The following HDAC2 variants were observed in gnomAD, a reference collection of about 807,000 sequenced individuals.
HDAC2 encodes the protein YY1-associated factor 1.
A neutral mutation model predicts 68.5 loss-of-function variants in HDAC2; 5 were observed. The observed-to-expected ratio is 0.07, with a 90% confidence interval of 0.04 to 0.15. The LOEUF (loss-of-function observed/expected upper bound fraction) is 0.15. HDAC2 is among the 10% of genes least tolerant of loss of function. The pLI is 1.00. For synonymous variants in HDAC2, 182 were observed against 191.3 expected, an observed-to-expected ratio of 0.95 and a Z score of 0.40; for missense variants, 291 against 600.8, an observed-to-expected ratio of 0.48 and a Z score of 5.39.
chr6:113,954,240 C>A (rs1450388484), intron 5 of HDAC2, among the ~76,000 whole-genome samples: 1 of 152,092 alleles, frequency 6.6e-6, no homozygotes, highest in East Asian at 1.9e-4. Flanking sequence ...TATTAGATGG[C>A]AAAGCATTGT....
rs1479932130 is a variant in HDAC2 at position 113,949,174 on chromosome 6, A to G, written c.726T>C (p.Phe242=). Residue 242 remains phenylalanine, a synonymous_variant, in exon 7 of 14, where the codon TTT becomes TTC. Transcript: ENST00000519065. ...GIDDESYGQI[F]KPIISKVMEM... is the part of the protein sequence containing the mutation. The stretch of plus-strand genomic sequence containing the variant: ...TGAAAACAATAATACTTACAGGCTT[A>G]AATATCTGCCCATATGACTCATCAT... 2 of 1,606,730 alleles carry G rather than the reference A, an allele frequency of 1.2e-6. No individual in the cohort carries two copies. Among genetic ancestry groups the G allele is most frequent in the Middle Eastern group, 1.7e-4 (1 of 6,044 alleles).
chr6:113,938,255 C>A lies in HDAC2; in HGVS notation c.*2803G>T, dbSNP rs1258888012. ...TTAAAGATCTTTTCATATTTACAAA[C>A]TATTTATATGTATTTGTTTCCCAGT... On this transcript the variant is annotated 3_prime_UTR_variant, in exon 14 of 14. Coordinates refer to ENST00000519065, the MANE Select transcript of HDAC2 (RefSeq NM_001527.4). 6.6e-6 allele frequency: 1 copy of A among 152,204 alleles called. No individual in the cohort carries two copies. The highest frequency in any genetic ancestry group is 1.9e-4 in the East Asian group (1 of 5,206). The allele number at this position is 152,204 out of a possible 1,614,324, so 9.4% of individuals were successfully genotyped here.
At chr6:113,943,189 T>G (rs1399144957) in intron 12 of HDAC2, among the ~76,000 whole-genome samples, 162 bp downstream of exon 12, 1 of 152,120 alleles carries the variant, frequency 6.6e-6, no homozygotes, top group African/African-American at 2.4e-5. Flanking sequence ...ATAAAAGCTT[T>G]AAGAGCTAAG....
rs566688191 is a variant in HDAC2 at position 113,938,720 on chromosome 6, C to T, written c.*2338G>A. On this transcript the variant is annotated 3_prime_UTR_variant, in exon 14 of 14. Coordinates refer to ENST00000519065, the MANE Select transcript of HDAC2 (RefSeq NM_001527.4). ...ACTATGTTACATTGACCTTACTAGA[C>T]ACAAGAACCATAGCTTCTTTACATA... 1.3e-5 allele frequency: 2 copies of T among 152,272 alleles called. No homozygotes were observed. Among genetic ancestry groups the T allele is most frequent in the South Asian group, 4.1e-4 (2 of 4,828 alleles). 9.4% of individuals were successfully genotyped at this position (152,272 alleles called of 1,614,324 possible).
chr6:113,952,109 C>T (rs865956058), intron 6 of HDAC2, among the ~76,000 whole-genome samples: 2 of 152,030 alleles, frequency 1.3e-5, no homozygotes, highest in Non-Finnish European at 2.9e-5. Flanking sequence ...GAAGAATCAC[C>T]CAGAGTTTCT....
At chr6:113,966,786 G>A (rs1279098128) in intron 1 of HDAC2, among the ~76,000 whole-genome samples, 1 of 152,114 alleles carries the variant, frequency 6.6e-6, no homozygotes, top group Non-Finnish European at 1.5e-5. Context: ...AAGCATCTCT[G>A]ATGAGGTAAA....
At chr6:113,941,590 T>C in intron 13 of HDAC2, 118 bp downstream of exon 13, 1 of 429,968 alleles carries the variant, frequency 2.3e-6, no homozygotes, top group South Asian at 7.3e-5. Context: ...GAGCACCTCA[T>C]AATGATGTTC....
At chr6:113,970,576 A>T in intron 1 of HDAC2, 1 of 1,247,972 alleles carries the variant, frequency 8.0e-7, no homozygotes, top group South Asian at 2.9e-5. Flanking sequence ...CGCCGTCCCC[A>T]GCGGCGGCCA....
intron 5 of HDAC2, among the ~76,000 whole-genome samples, chr6:113,954,522 T>C (rs980751835): frequency 6.6e-6 from 1 of 152,200 alleles, no homozygotes; most frequent in Non-Finnish European, 1.5e-5. Context: ...AAAAAATGTG[T>C]CCAGACAAAT....
chr6:113,939,325 A>C lies in HDAC2; in HGVS notation c.*1733T>G, dbSNP rs996175794. On this transcript the variant is annotated 3_prime_UTR_variant, in exon 14 of 14. Coordinates refer to ENST00000519065, the MANE Select transcript of HDAC2 (RefSeq NM_001527.4). ...CATGGTGGGAGGGGGGCGAGGGATA[A>C]AAGATTACAAATAGGGTGCAGTGTA... 6 of 152,222 alleles carry C rather than the reference A, an allele frequency of 3.9e-5. No individual in the cohort carries two copies. Among genetic ancestry groups the C allele is most frequent in the African/African-American group, 1.4e-4 (6 of 41,452 alleles). The allele number at this position is 152,222 out of a possible 1,614,324, so 9.4% of individuals were successfully genotyped here.
chr6:113,941,231 A>C, intron 13 of HDAC2, 143 bp from the exon 14 acceptor site: 1 of 507,346 alleles, frequency 2.0e-6, no homozygotes, highest in Non-Finnish European at 3.4e-6. Context: ...GGAGTAATTA[A>C]TGCCTTAATT....
At chr6:113,956,236 C>A in intron 4 of HDAC2, 85 bp from the exon 5 acceptor site, 1 of 1,072,814 alleles carries the variant, frequency 9.3e-7, no homozygotes, top group African/African-American at 1.6e-5. Flanking sequence ...AAGTGTATGC[C>A]ATGCATAAGC....
At chr6:113,969,696 G>C (rs908074257) in intron 1 of HDAC2, 2 of 152,194 alleles carry the variant, frequency 1.3e-5, no homozygotes, top group Non-Finnish European at 2.9e-5. Context: ...AACAGGATTC[G>C]AAGATTTAAT....
Position 113,934,716 on chromosome 6 carries a change from CAT to C in HDAC2, c.*6340_*6341del, listed in dbSNP as rs1023933232. The C allele has an allele frequency of 1.6e-4, 24 of 152,200 alleles. No homozygotes were observed. Among genetic ancestry groups the C allele is most frequent in the African/African-American group, 5.8e-4 (24 of 41,528 alleles). The allele number at this position is 152,200 out of a possible 1,614,324, so 9.4% of individuals were successfully genotyped here. On this transcript the variant is annotated 3_prime_UTR_variant, in exon 14 of 14. Coordinates refer to ENST00000519065, the MANE Select transcript of HDAC2 (RefSeq NM_001527.4). ...CCCAATGCTGCCATTTACTTTAAGA[CAT>C]ATAAATTTGGATTTCAAACAAAACA... is the stretch of plus-strand genomic sequence containing the variant.
intron 1 of HDAC2, among the ~76,000 whole-genome samples, chr6:113,961,016 T>C (rs1776671393): frequency 6.6e-6 from 1 of 152,108 alleles, no homozygotes; most frequent in Non-Finnish European, 1.5e-5. Flanking sequence ...AGGGGAGATA[T>C]ACATAGGTTA....
rs985520643 is a variant in HDAC2 at position 113,936,097 on chromosome 6, G to T, written c.*4961C>A. ...ATACACTCTACTGTGTTTTGCAGATGTAAAACTTAGAAATTAGTGTTATAA... is the reference window on the plus strand; with the variant it reads ...ATACACTCTACTGTGTTTTGCAGATTTAAAACTTAGAAATTAGTGTTATAA... On this transcript the variant is annotated 3_prime_UTR_variant, in exon 14 of 14. Coordinates refer to ENST00000519065, the MANE Select transcript of HDAC2 (RefSeq NM_001527.4). 3 of 152,174 alleles carry T rather than the reference G, an allele frequency of 2.0e-5. No homozygotes were observed. The highest frequency in any genetic ancestry group is 1.3e-4 in the Admixed American group (2 of 15,280). 9.4% of individuals were successfully genotyped at this position (152,174 alleles called of 1,614,324 possible).
chr6:113,964,761 G>A (rs564486889), intron 1 of HDAC2, among the ~76,000 whole-genome samples: 1 of 152,238 alleles, frequency 6.6e-6, no homozygotes, highest in East Asian at 1.9e-4. Flanking sequence ...CTTTTCACTT[G>A]AATTCAATAA....
intron 6 of HDAC2, 124 bp downstream of exon 6, chr6:113,953,153 G>A (rs1776462304): frequency 2.9e-6 from 2 of 686,586 alleles, no homozygotes; most frequent in Admixed American, 2.6e-5. Flanking sequence ...TGCATACGTA[G>A]TAATTCAATT....
At chr6:113,963,031 T>A (rs1304211765) in intron 1 of HDAC2, among the ~76,000 whole-genome samples, 1 of 152,072 alleles carries the variant, frequency 6.6e-6, no homozygotes, top group Non-Finnish European at 1.5e-5. Flanking sequence ...CTCCAACTTT[T>A]TCCCACTAAT....
Sources: gnomAD v4.1 joint callset for allele counts (sites outside exome capture counted in the v4.1 genomes callset) on GRCh38, gnomAD v4.1.1 for gene constraint, MANE v1.5 for transcripts, NCBI Gene and HGNC (gene_info 2026-07-23, HGNC 2026-07-21) for gene names.